Variants in LYPLA1 observed in about 807,000 individuals in gnomAD.
LYPLA1 encodes the protein acyl-protein thioesterase 1.
A neutral mutation model predicts 34.0 loss-of-function variants in LYPLA1; 17 were observed. The ratio of observed to expected loss-of-function variants is 0.50; its 90% CI spans 0.34 to 0.75. LYPLA1 has a LOEUF of 0.75. Ranked by LOEUF, LYPLA1 falls within the 30% of genes least tolerant of loss-of-function variation. The pLI, the probability that LYPLA1 is intolerant of heterozygous loss-of-function variation, is 0.01. For missense variants in LYPLA1, 203 were observed against 288.8 expected (o/e 0.70, Z 2.15); for synonymous variants, 98 against 100.8 (o/e 0.97, Z 0.17).
At chr8:54,058,340 T>C (rs1011336913) in intron 5 of LYPLA1, among the ~76,000 whole-genome samples, 1 of 152,104 alleles carries the variant, frequency 6.6e-6, no homozygotes, top group African/African-American at 2.4e-5. Flanking sequence ...GGCCAGGAGT[T>C]TGAGACCAGC....
At chr8:54,097,920 TA>T (rs1439878900) in intron 2 of LYPLA1, among the ~76,000 whole-genome samples, 1 of 152,346 alleles carries the variant, frequency 6.6e-6, no homozygotes, top group East Asian at 1.9e-4. Flanking sequence ...ATGTAAGGCT[TA>T]TTTGGATAAA....
chr8:54,085,860 G>C (rs1396201319), intron 2 of LYPLA1, among the ~76,000 whole-genome samples: 1 of 126,582 alleles, frequency 7.9e-6, no homozygotes, highest in African/African-American at 3.0e-5. Flanking sequence ...AGGTGGGGGG[G>C]GCGCCTCTGC....
chr8:54,095,446 ATATGT>A (rs1302383727), intron 2 of LYPLA1, among the ~76,000 whole-genome samples: 2 of 152,228 alleles, frequency 1.3e-5, no homozygotes, highest in Non-Finnish European at 2.9e-5. Context: ...GGGATCAGGA[ATATGT>A]TATAATATCA....
rs879905074 is a variant in LYPLA1 at position 54,089,628 on chromosome 8, CT to C, written c.101+11279del. Among the ~76,000 whole-genome samples the C allele has an allele frequency of 4.6e-3, 647 of 142,052 alleles. 1 individual carries two copies. The highest frequency in any genetic ancestry group is 5.2e-3 in the African/African-American group (200 of 38,750). 93.2% of individuals were successfully genotyped at this position (142,052 alleles called of 152,430 possible). On this transcript the variant is annotated intron_variant, in intron 2 of 8. Coordinates refer to ENST00000316963, the MANE Select transcript of LYPLA1 (RefSeq NM_006330.4). ...ACCATGGGCCCTTGTTTGCCAACCT[CT>C]TTTTTTTTTTTTTGAGATAGGGTCT... is the stretch of plus-strand genomic sequence containing the variant.
intron 2 of LYPLA1, among the ~76,000 whole-genome samples, chr8:54,095,553 A>G (rs1490933700): frequency 6.6e-6 from 1 of 152,166 alleles, no homozygotes; most frequent in Non-Finnish European, 1.5e-5. Flanking sequence ...TTTAATGTGG[A>G]GAAACCTGGC....
In LYPLA1 at chr8:54,053,700, C is replaced by A. The variant is rs905919264; in HGVS notation, c.361-944G>T. 3 of 456,144 alleles carry A rather than the reference C, an allele frequency of 6.6e-6. No homozygotes were observed. The East Asian group carries it at 2.1e-4, about 32-fold the overall frequency. 28.3% of individuals were successfully genotyped at this position (456,144 alleles called of 1,614,324 possible). On this transcript the variant is annotated intron_variant, in intron 6 of 8. Transcript: ENST00000316963. ...CATGTAAATTCAAGAGCTGGAAAAG[C>A]TATAGGCTGCAAAAGCCAAGATGGC...
At chr8:54,073,655 C>A in intron 2 of LYPLA1, 1 of 428,484 alleles carries the variant, frequency 2.3e-6, no homozygotes. Context: ...AATGTCCTAA[C>A]AGAAAGATGA....
intron 8 of LYPLA1, among the ~76,000 whole-genome samples, chr8:54,048,488 C>T (rs1805623444): frequency 6.6e-6 from 1 of 152,164 alleles, no homozygotes; most frequent in Non-Finnish European, 1.5e-5. Context: ...TACCATTCTT[C>T]AAACTGAATT....
At chr8:54,081,698 C>T (rs960249596) in intron 2 of LYPLA1, among the ~76,000 whole-genome samples, 2 of 151,270 alleles carry the variant, frequency 1.3e-5, no homozygotes, top group African/African-American at 4.9e-5. Context: ...TACAGGCGTG[C>T]ACCACTGCGC....
At chr8:54,049,591 G>A (rs1027073828) in intron 8 of LYPLA1, among the ~76,000 whole-genome samples, 1 of 152,010 alleles carries the variant, frequency 6.6e-6, no homozygotes, top group African/African-American at 2.4e-5. Context: ...ATTGAAAATG[G>A]TTTTCTCCTC....
intron 2 of LYPLA1, among the ~76,000 whole-genome samples, chr8:54,073,788 CAA>C (rs1009111859): frequency 2.0e-4 from 31 of 152,186 alleles, no homozygotes; most frequent in Admixed American, 1.6e-3. Context: ...CTTCTTTTTT[CAA>C]AAGTCAGCCA....
chr8:54,058,893 A>C (rs544696446), intron 5 of LYPLA1, among the ~76,000 whole-genome samples: 1 of 152,262 alleles, frequency 6.6e-6, no homozygotes, highest in East Asian at 1.9e-4. Flanking sequence ...CCTAAGGGTA[A>C]GGGCACTATG....
chr8:54,091,262 C>T (rs574453906), intron 2 of LYPLA1, among the ~76,000 whole-genome samples: 54 of 151,372 alleles, frequency 3.6e-4, no homozygotes, highest in Middle Eastern at 3.4e-3. Context: ...CCGAGGTGGG[C>T]GGATCACCTG....
At chr8:54,101,498 C>T in intron 1 of LYPLA1, 3 of 1,123,688 alleles carry the variant, frequency 2.7e-6, no homozygotes, top group Non-Finnish European at 3.3e-6. Flanking sequence ...CCTAGGCCGG[C>T]CCGCGGGGGT....
intron 2 of LYPLA1, among the ~76,000 whole-genome samples, chr8:54,090,004 C>G (rs1809102460): frequency 6.6e-6 from 1 of 152,228 alleles, no homozygotes; most frequent in Admixed American, 6.5e-5. Context: ...AACGAGCCAA[C>G]AGCGTGTGAT....
intron 2 of LYPLA1, among the ~76,000 whole-genome samples, chr8:54,080,754 A>G (rs774966109): frequency 7.9e-5 from 12 of 151,882 alleles, no homozygotes; most frequent in Non-Finnish European, 1.5e-4. Flanking sequence ...TACCCAACTA[A>G]TTTTTTTATT....
intron 2 of LYPLA1, among the ~76,000 whole-genome samples, chr8:54,075,829 G>C (rs1011682143): frequency 1.3e-5 from 2 of 152,130 alleles, no homozygotes; most frequent in Non-Finnish European, 2.9e-5. Context: ...AAGAAGGACT[G>C]GACCTGGCCA....
At chr8:54,048,724 A>C (rs549852017) in intron 8 of LYPLA1, among the ~76,000 whole-genome samples, 1 of 152,280 alleles carries the variant, frequency 6.6e-6, no homozygotes, top group African/African-American at 2.4e-5. Flanking sequence ...TTATATTTCA[A>C]GGCCTTACTT....
intron 2 of LYPLA1, among the ~76,000 whole-genome samples, chr8:54,077,426 T>C (rs951990600): frequency 2.0e-4 from 31 of 152,182 alleles, no homozygotes; most frequent in African/African-American, 7.2e-4. Context: ...AAATTATCTG[T>C]ACATCAAACC....
Sources: gnomAD v4.1 joint callset for allele counts (sites outside exome capture counted in the v4.1 genomes callset) on GRCh38, gnomAD v4.1.1 for gene constraint, MANE v1.5 for transcripts, NCBI Gene and HGNC (gene_info 2026-07-23, HGNC 2026-07-21) for gene names.